FGF14: variants seen among roughly 807,000 people sequenced by gnomAD.
FGF14 encodes fibroblast growth factor 14, also known as fibroblast growth factor homologous factor 4.
FGF14 carries 5 observed loss-of-function variants against 25.5 expected under a neutral mutation model. That is an observed-to-expected ratio of 0.20 (90% CI 0.10 to 0.41). FGF14 has a LOEUF of 0.41. Among genes scored for constraint, FGF14 ranks in the 10% least tolerant of loss-of-function variants. The pLI is 1.00. For missense variants in FGF14, 222 were observed against 320.1 expected, an observed-to-expected ratio of 0.69 and a Z score of 2.34; for synonymous variants, 138 against 118.3, an observed-to-expected ratio of 1.17 and a Z score of -1.08.
chr13:102,203,299 A>G (rs992131315), intron 1 of FGF14, among the ~76,000 whole-genome samples: 1 of 152,230 alleles, frequency 6.6e-6, no homozygotes, highest in Non-Finnish European at 1.5e-5. Context: ...TTGTAAATAC[A>G]TAGTCATAAA....
At position 101,947,147 on chromosome 13, in the gene FGF14, T is replaced by C. The variant is rs555034609; in HGVS notation, c.209-71851A>G. On this transcript the variant is annotated intron_variant, in intron 1 of 4. Transcript: ENST00000376131. The stretch of plus-strand genomic sequence containing the variant: ...AGACCACAATGAGATACCATCTCAC[T>C]CCAGTCAGAACTATTATTAAAAAGT... Among the ~76,000 whole-genome samples the C allele has an allele frequency of 1.1e-4, 16 of 152,278 alleles. No homozygotes were observed. The South Asian group carries it at 3.3e-3, about 32-fold the overall frequency.
intron 1 of FGF14, among the ~76,000 whole-genome samples, chr13:102,290,391 T>C (rs1237531182): frequency 6.6e-6 from 1 of 152,176 alleles, no homozygotes; most frequent in Admixed American, 6.6e-5. Flanking sequence ...ACAATAAACT[T>C]CTGTTTAGCT....
At position 101,711,840 on chromosome 13, in the gene FGF14, T is replaced by C. The variant is rs936323080; in HGVS notation, c.*10991A>G. The C allele has an allele frequency of 5.3e-5, 8 of 152,126 alleles. No individual in the cohort carries two copies. Among genetic ancestry groups the C allele is most frequent in the Non-Finnish European group, 8.8e-5 (6 of 68,030 alleles). 9.4% of individuals were successfully genotyped at this position (152,126 alleles called of 1,614,324 possible). On this transcript the variant is annotated 3_prime_UTR_variant, in exon 5 of 5. Transcript: ENST00000376143. Reference sequence around the variant, plus strand: ...TCCTTATATTGAGAAAGAAAATGAATGGATTAGTGGTGCTGTGGTGATGAA... The same window carrying C: ...TCCTTATATTGAGAAAGAAAATGAACGGATTAGTGGTGCTGTGGTGATGAA...
intron 1 of FGF14, among the ~76,000 whole-genome samples, chr13:101,968,139 C>G (rs760936707): frequency 2.0e-5 from 3 of 152,028 alleles, no homozygotes; most frequent in Non-Finnish European, 4.4e-5. Context: ...CTCTGTTACT[C>G]AAATGAGTGA....
chr13:102,397,469 C>G (rs1355747296), intron 1 of FGF14, among the ~76,000 whole-genome samples: 1 of 152,180 alleles, frequency 6.6e-6, no homozygotes, highest in African/African-American at 2.4e-5. Context: ...AGAACTAGGT[C>G]TAGGGCGTCT....
chr13:101,961,620 C>A (rs1015257247), intron 1 of FGF14, among the ~76,000 whole-genome samples: 17 of 152,116 alleles, frequency 1.1e-4, no homozygotes, highest in African/African-American at 4.1e-4. Flanking sequence ...ATGGGAGCAA[C>A]CTGGTGGGAG....
intron 1 of FGF14, among the ~76,000 whole-genome samples, chr13:102,340,106 T>C (rs1326967073): frequency 6.6e-6 from 1 of 152,208 alleles, no homozygotes; most frequent in Admixed American, 6.5e-5. Flanking sequence ...GTAATTAGTA[T>C]CTTCAGATTC....
chr13:102,161,620 AAGAAGAAGAAGAAGAAGAAGAAGAAG>A (rs1566764527), intron 1 of FGF14, among the ~76,000 whole-genome samples: 11 of 5,880 alleles, frequency 1.9e-3, no homozygotes, highest in Admixed American at 0.015. Flanking sequence ...GAAGAAGAAG[AAGAAGAAGAAGAAGAAGAAGAAGAAG>A]AAGAAGAAGA....
intron 1 of FGF14, among the ~76,000 whole-genome samples, chr13:101,924,111 C>T (rs924161108): frequency 6.6e-6 from 1 of 151,994 alleles, no homozygotes. Flanking sequence ...ATTTTTAACA[C>T]TACTGAATAC....
At chr13:102,303,385 AAC>A (rs1266391150) in intron 1 of FGF14, among the ~76,000 whole-genome samples, 1 of 152,218 alleles carries the variant, frequency 6.6e-6, no homozygotes, top group African/African-American at 2.4e-5. Flanking sequence ...TATGGTTATA[AAC>A]ACACCATGAG....
chr13:102,304,442 T>C (rs2055258593), intron 1 of FGF14, among the ~76,000 whole-genome samples: 1 of 152,122 alleles, frequency 6.6e-6, no homozygotes, highest in Admixed American at 6.6e-5. Flanking sequence ...CTAAATACAT[T>C]GAAATTGTAC....
At chr13:101,942,661 G>A (rs1416100623) in intron 1 of FGF14, among the ~76,000 whole-genome samples, 3 of 152,072 alleles carry the variant, frequency 2.0e-5, no homozygotes, top group Admixed American at 2.0e-4. Flanking sequence ...TGCAATTCTG[G>A]GCAGATTATC....
chr13:102,207,338 T>C (rs996432194), intron 1 of FGF14, among the ~76,000 whole-genome samples: 3 of 151,538 alleles, frequency 2.0e-5, no homozygotes, highest in South Asian at 4.2e-4. Context: ...CCTCCAAACC[T>C]TAGATTTAAT....
chr13:101,840,443 G>T (rs2043141834), intron 3 of FGF14, among the ~76,000 whole-genome samples: 1 of 151,450 alleles, frequency 6.6e-6, no homozygotes, highest in Non-Finnish European at 1.5e-5. Context: ...CCTCAGTGAT[G>T]CATATACAAT....
At chr13:102,172,459 T>A (rs1646164617) in intron 1 of FGF14, among the ~76,000 whole-genome samples, 1 of 152,098 alleles carries the variant, frequency 6.6e-6, no homozygotes, top group African/African-American at 2.4e-5. Context: ...TAACTTAGTC[T>A]AGTCAGTAAT....
At chr13:101,959,520 A>G (rs1158942670) in intron 1 of FGF14, among the ~76,000 whole-genome samples, 1 of 152,142 alleles carries the variant, frequency 6.6e-6, no homozygotes, top group Admixed American at 6.5e-5. Context: ...TCATTAAACT[A>G]CTTGTATTTC....
intron 3 of FGF14, among the ~76,000 whole-genome samples, chr13:101,785,401 A>T (rs2039752808): frequency 6.6e-6 from 1 of 150,582 alleles, no homozygotes; most frequent in Non-Finnish European, 1.5e-5. Flanking sequence ...ATTAGAAAAC[A>T]ATATTATTTT....
chr13:102,370,877 A>G (rs1665187313), intron 1 of FGF14, among the ~76,000 whole-genome samples: 1 of 151,628 alleles, frequency 6.6e-6, no homozygotes, highest in South Asian at 2.1e-4. Flanking sequence ...GAAATAACAC[A>G]CATAGTTCAC....
chr13:101,878,187 T>TC (rs1445507298), intron 1 of FGF14, among the ~76,000 whole-genome samples: 1 of 152,222 alleles, frequency 6.6e-6, no homozygotes, highest in East Asian at 1.9e-4. Flanking sequence ...TTCCATAATT[T>TC]CCCACATCTA....
Sources: allele counts gnomAD v4.1 joint callset (sites outside exome capture counted in the v4.1 genomes callset), GRCh38; gene constraint gnomAD v4.1.1; transcripts MANE v1.5; gene names NCBI Gene and HGNC (gene_info 2026-07-23, HGNC 2026-07-21).